Variants in SNX13 observed in about 807,000 individuals in gnomAD.
SNX13 encodes sorting nexin-13.
In SNX13, 45 loss-of-function variants were observed where a neutral mutation model predicts 133.6. The ratio of observed to expected loss-of-function variants is 0.34; its 90% confidence interval spans 0.27 to 0.43. The LOEUF (loss-of-function observed/expected upper bound fraction) is 0.43. Among genes scored for constraint, SNX13 ranks in the 20% least tolerant of loss-of-function variants. The pLI is 1.00. For missense variants in SNX13, 1,032 were observed against 1,145.1 expected, an observed-to-expected ratio of 0.90 and a Z score of 1.43; for synonymous variants, 414 against 373.9, an observed-to-expected ratio of 1.11 and a Z score of -1.24.
chr7:17,910,399 G>C (rs1186003719), intron 1 of SNX13, among the ~76,000 whole-genome samples: 1 of 152,120 alleles, frequency 6.6e-6, no homozygotes, highest in Non-Finnish European at 1.5e-5. Context: ...CTAATTTTTG[G>C]CTTTCTTTTT....
rs187926861 is a variant in SNX13, at chr7:17,814,816, A to T, written c.2064+18T>A. 3.0e-4 allele frequency: 451 copies of T among 1,487,498 alleles called. 2 individuals are homozygous for T. The East Asian group carries it at 6.5e-3, about 21-fold the overall frequency. 92.1% of individuals were successfully genotyped at this position (1,487,498 alleles called of 1,614,324 possible). ...ACAGACCTAGAAAGAAACCCAGTGC[A>T]GTGGTCTGCTTACTTACCTTGCGAG... is the stretch of plus-strand genomic sequence containing the variant. On this transcript the variant is annotated intron_variant, in intron 20 of 25. Coordinates refer to ENST00000428135, the MANE Select transcript of SNX13 (RefSeq NM_015132.5).
At chr7:17,882,551 A>G (rs1246529864) in intron 5 of SNX13, 1 of 152,646 alleles carries the variant, frequency 6.6e-6, no homozygotes, top group African/African-American at 2.4e-5. Context: ...ACCCCTACTA[A>G]TAAAACAATA....
intron 1 of SNX13, among the ~76,000 whole-genome samples, chr7:17,922,874 T>TA (rs1288281170): frequency 6.6e-6 from 1 of 152,190 alleles, no homozygotes; most frequent in Non-Finnish European, 1.5e-5. Context: ...CAGAAAAAGG[T>TA]ATGAAAGTAG....
intron 1 of SNX13, among the ~76,000 whole-genome samples, chr7:17,908,014 C>T (rs965001571): frequency 1.3e-5 from 2 of 152,164 alleles, no homozygotes; most frequent in Non-Finnish European, 2.9e-5. Flanking sequence ...ACACTGAACG[C>T]TCCTACCTGA....
In SNX13 at chr7:17,801,579, T is replaced by C; in HGVS notation, c.2298+9A>G. ...AAACTAAATACTACCAAGAATAAAA[T>C]TAACTCACATTATCGTCAAGTTGAG... is the stretch of plus-strand genomic sequence containing the variant. On this transcript the variant is annotated intron_variant, in intron 22 of 25. Coordinates refer to ENST00000428135, the MANE Select transcript of SNX13 (RefSeq NM_015132.5). 1 of 1,599,844 alleles carries C rather than the reference T, an allele frequency of 6.3e-7. No homozygotes were observed. The highest frequency in any genetic ancestry group is 8.5e-7 in the Non-Finnish European group (1 of 1,172,544).
At chr7:17,890,507 A>C (rs1230422228) in intron 4 of SNX13, 23 bp from the exon 5 acceptor site, 7 of 1,526,276 alleles carry the variant, frequency 4.6e-6, no homozygotes, top group East Asian at 2.3e-5. Flanking sequence ...TATTGGAAAA[A>C]AAATTACAAC....
chr7:17,897,527 A>C, intron 1 of SNX13, 81 bp from the exon 2 acceptor site: 1 of 748,192 alleles, frequency 1.3e-6, no homozygotes, highest in Non-Finnish European at 2.0e-6. Context: ...ACTTTTACAT[A>C]GTTTTAAATT....
chr7:17,908,125 A>C (rs1439262992), intron 1 of SNX13, among the ~76,000 whole-genome samples: 1 of 152,196 alleles, frequency 6.6e-6, no homozygotes, highest in Non-Finnish European at 1.5e-5. Flanking sequence ...GGAGGCATCA[A>C]TACCTACCCA....
At chr7:17,835,704 C>T (rs940332886) in intron 13 of SNX13, among the ~76,000 whole-genome samples, 2 of 150,422 alleles carry the variant, frequency 1.3e-5, no homozygotes, top group Admixed American at 1.3e-4. Context: ...CTAATTTATC[C>T]AATAAAATAA....
intron 5 of SNX13, chr7:17,882,850 G>A (rs1042123238): frequency 1.6e-6 from 2 of 1,285,488 alleles, no homozygotes; most frequent in African/African-American, 3.1e-5. Flanking sequence ...GTGAGACCAA[G>A]GTTTTGTTAA....
At chr7:17,854,308 T>C (rs1300858759) in intron 9 of SNX13, among the ~76,000 whole-genome samples, 3 of 152,198 alleles carry the variant, frequency 2.0e-5, no homozygotes, top group South Asian at 2.1e-4. Context: ...AGGCATATGA[T>C]GACAACTTAA....
chr7:17,872,053 G>A (rs1234281865), intron 8 of SNX13, among the ~76,000 whole-genome samples: 5 of 152,164 alleles, frequency 3.3e-5, no homozygotes, highest in African/African-American at 1.2e-4. Context: ...TCACTCAAGT[G>A]GTGATTTCAA....
intron 1 of SNX13, among the ~76,000 whole-genome samples, chr7:17,921,508 C>T (rs1018220930): frequency 6.6e-6 from 1 of 152,168 alleles, no homozygotes; most frequent in African/African-American, 2.4e-5. Flanking sequence ...GCTTCTCCTG[C>T]AGCTCTCTCA....
intron 2 of SNX13, among the ~76,000 whole-genome samples, chr7:17,895,286 T>C (rs749029849): frequency 2.8e-4 from 42 of 152,274 alleles, no homozygotes; most frequent in South Asian, 1.2e-3. Context: ...CATAAATTAA[T>C]TATATAACCC....
At chr7:17,822,425 T>G (rs1787402872) in intron 17 of SNX13, among the ~76,000 whole-genome samples, 1 of 152,190 alleles carries the variant, frequency 6.6e-6, no homozygotes. Context: ...CATCTGTATC[T>G]GGTCTATTTC....
chr7:17,871,395 T>C (rs1392224896), intron 8 of SNX13, among the ~76,000 whole-genome samples: 1 of 152,144 alleles, frequency 6.6e-6, no homozygotes, highest in African/African-American at 2.4e-5. Context: ...GGCTGGAGTA[T>C]AGTGACCACT....
chr7:17,839,183 A>T (rs1286062008), intron 13 of SNX13, among the ~76,000 whole-genome samples: 3 of 149,336 alleles, frequency 2.0e-5, no homozygotes, highest in Non-Finnish European at 4.5e-5. Context: ...GACGCTATAG[A>T]TTATATATAT....
intron 16 of SNX13, among the ~76,000 whole-genome samples, chr7:17,829,271 C>T (rs746780844): frequency 1.6e-4 from 24 of 151,462 alleles, no homozygotes; most frequent in Non-Finnish European, 3.1e-4. Flanking sequence ...TTTTTCCCCT[C>T]CCCAACCCAG....
chr7:17,929,383 T>C (rs1801140615), intron 1 of SNX13, among the ~76,000 whole-genome samples: 1 of 152,136 alleles, frequency 6.6e-6, no homozygotes, highest in South Asian at 2.1e-4. Flanking sequence ...CTGCTGCATA[T>C]AAAGGGACTG....
Sources: allele counts gnomAD v4.1 joint callset (sites outside exome capture counted in the v4.1 genomes callset), GRCh38; gene constraint gnomAD v4.1.1; transcripts MANE v1.5; gene names NCBI Gene and HGNC (gene_info 2026-07-23, HGNC 2026-07-21).